The following TROAP variants were observed in gnomAD, a reference collection of about 807,000 sequenced individuals.
TROAP encodes tastin.
A neutral mutation model predicts 83.4 loss-of-function variants in TROAP; 62 were observed. That is an observed-to-expected ratio of 0.74 (90% confidence interval 0.61 to 0.92). The LOEUF is 0.92. Ranked by LOEUF, TROAP falls within the 40% of genes least tolerant of loss-of-function variation. The pLI is 0.00. For synonymous variants in TROAP, 352 were observed against 386.4 expected, an observed-to-expected ratio of 0.91 and a Z score of 1.04; for missense variants, 876 against 985.1, an observed-to-expected ratio of 0.89 and a Z score of 1.48.
chr12:49,329,507 C>G lies in TROAP; in HGVS notation c.1164+53C>G. ...AGATCCCTTGCCCTGTGCTGCCAGC[C>G]TGGAGGCCCAGGAGTTTGAGGCACA... On this transcript the variant is annotated intron_variant, in intron 11 of 14. Transcript: ENST00000257909. The surrounding 1 kb of genome is among the most constrained non-coding windows in gnomAD (Gnocchi z 4.5). 6.4e-7 allele frequency: 1 copy of G among 1,556,062 alleles called. No homozygotes were observed. The highest frequency in any genetic ancestry group is 8.7e-7 in the Non-Finnish European group (1 of 1,152,606).
chr12:49,330,737 GA>G lies in TROAP; in HGVS notation c.1893del (p.Pro633GlnfsTer7), dbSNP rs1379623720. The G allele has an allele frequency of 2.5e-6, 4 of 1,613,906 alleles. No homozygotes were observed. The African/African-American group carries it at 5.3e-5, about 22-fold the overall frequency. ...PLQPSTQGQS[G>X]PPGPCPRVEL... ...CAGCCCAGCACCCAGGGGCAGTCTG[GA>G]CCCCCAGGGCCCTGCCCTAGGGTAG... On this transcript the variant is annotated frameshift_variant, in exon 13 of 15. Transcript: ENST00000257909. LOFTEE classifies it high-confidence loss of function.
Position 49,325,711 on chromosome 12 carries a change from C to T in TROAP, c.496-36C>T, listed in dbSNP as rs1257991797. 3 of 1,612,942 alleles carry T rather than the reference C, an allele frequency of 1.9e-6. No homozygotes were observed. The South Asian group carries it at 3.3e-5, about 18-fold the overall frequency. On this transcript the variant is annotated intron_variant, in intron 4 of 14. Coordinates refer to ENST00000257909, the MANE Select transcript of TROAP (RefSeq NM_005480.4). ...GGCTAGGGGGCACTGAGGGGGGCAT[C>T]CTGAGCAGTGCTGACAGCCTCTGTT...
intron 14 of TROAP, 24 bp from the exon 15 acceptor site, chr12:49,331,549 T>C: frequency 6.2e-7 from 1 of 1,614,178 alleles, no homozygotes. Flanking sequence ...GGCTGAGCTG[T>C]GACAAGGTCT....
chr12:49,325,398 T>C (rs912637295), intron 3 of TROAP, 103 bp from the exon 4 acceptor site: 92 of 1,188,302 alleles, frequency 7.7e-5, no homozygotes, highest in Non-Finnish European at 9.6e-5. Flanking sequence ...CCAAATTCAA[T>C]TGAATGAGTC....
rs779736506 is a variant in TROAP at position 49,330,482 on chromosome 12, A to G, written c.1637A>G (p.Glu546Gly). The change falls in exon 13 of 15, where the codon GAG (glutamate) becomes GGG (glycine). Residue 546 changes from glutamate to glycine, a missense_variant. Glu to Gly is a moderately conservative substitution (Grantham distance 98). This residue lies in a region of TROAP where 689 missense variants were observed against 722.6 expected (regional missense o/e 0.95). Transcript: ENST00000257909. ...PSLQEQLEVP[E>G]PYPPAEPRPL... ...CTCCAGGAACAGCTTGAAGTACCAG[A>G]GCCCTACCCTCCAGCAGAACCCAGG... The G allele has an allele frequency of 6.2e-7, 1 of 1,613,618 alleles. No homozygotes were observed. The highest frequency in any genetic ancestry group is 8.5e-7 in the Non-Finnish European group (1 of 1,179,712).
Position 49,329,944 on chromosome 12 carries a change from G to A in TROAP, c.1252G>A (p.Gly418Arg), listed in dbSNP as rs572587315. 1 of 1,614,106 alleles carries A rather than the reference G, an allele frequency of 6.2e-7. No individual in the cohort carries two copies. The highest frequency in any genetic ancestry group is 1.1e-5 in the South Asian group (1 of 91,078). The change falls in exon 12 of 15, where the codon GGA becomes AGA. Residue 418 changes from glycine to arginine, a missense_variant. Physicochemically the swap from Gly to Arg is moderately radical, Grantham distance 125. This residue lies in a region of TROAP where 689 missense variants were observed against 722.6 expected (regional missense o/e 0.95). Transcript: ENST00000257909. The surrounding 1 kb of genome is among the most constrained non-coding windows in gnomAD (Gnocchi z 4.5). ...GAAACCACCGGTGGCCACTCCTTCT[G>A]GACCCCACTCTAACAGAACCCCCAG... ...SGKPPVATPS[G>R]PHSNRTPSLQ...
chr12:49,331,085 A>G (rs1943574643), intron 13 of TROAP, 129 bp from the exon 14 acceptor site: 1 of 1,529,658 alleles, frequency 6.5e-7, no homozygotes, highest in Non-Finnish European at 8.9e-7. Flanking sequence ...CCTCAGGAAG[A>G]GGGGAGGGGC....
Position 49,331,684 on chromosome 12 carries a change from T to A in TROAP, c.*67T>A. ...CCCTTATTTATTGTCGGTCTGCCCA[T>A]GGGACTGGGAGCCGCCCACTTTTGT... On this transcript the variant is annotated 3_prime_UTR_variant, in exon 15 of 15. Coordinates refer to ENST00000257909, the MANE Select transcript of TROAP (RefSeq NM_005480.4). 6.2e-7 allele frequency: 1 copy of A among 1,603,928 alleles called. No individual in the cohort carries two copies.
intron 7 of TROAP, 112 bp from the exon 8 acceptor site, chr12:49,327,097 T>C: frequency 7.4e-7 from 1 of 1,348,948 alleles, no homozygotes; most frequent in East Asian, 2.3e-5. Flanking sequence ...CTGTCCCTAA[T>C]AGTGCAATGG....
chr12:49,330,283 A>C lies in TROAP; in HGVS notation c.1438A>C (p.Asn480His). The C allele has an allele frequency of 6.2e-7, 1 of 1,614,116 alleles. No homozygotes were observed. ...PLLTEISRTL[N>H]ATEHNSGTSH... is the part of the protein sequence containing the mutation. The stretch of plus-strand genomic sequence containing the variant: ...GCTGACTGAGATTTCTAGAACTCTG[A>C]ATGCCACAGAGCATAACTCTGGGAC... The change falls in exon 13 of 15, where the codon AAT becomes CAT. Residue 480 changes from asparagine (N) to histidine (H), a missense_variant. This residue lies in a region of TROAP where 689 missense variants were observed against 722.6 expected (regional missense o/e 0.95). Transcript: ENST00000257909.
intron 3 of TROAP, chr12:49,324,293 G>C: frequency 7.4e-7 from 1 of 1,342,482 alleles, no homozygotes; most frequent in Non-Finnish European, 1.1e-6. Context: ...GATCACTGGA[G>C]GCCAGGAGTT....
rs776011022 is a variant in TROAP at position 49,330,441 on chromosome 12, G to A, written c.1596G>A (p.Glu532=). ...AGGCCTTCTGTAGGAGTGAGCCTGAGATACCAGAGCCCTCCCTCCAGGAAC... is the reference window on the plus strand; with the variant it reads ...AGGCCTTCTGTAGGAGTGAGCCTGAAATACCAGAGCCCTCCCTCCAGGAAC... ...PPEAFCRSEP[E]IPEPSLQEQL... The change falls in exon 13 of 15, where the codon GAG becomes GAA. Residue 532 remains glutamate, a synonymous_variant. Coordinates refer to ENST00000257909, the MANE Select transcript of TROAP (RefSeq NM_005480.4). The A allele has an allele frequency of 1.9e-6, 3 of 1,614,016 alleles. No homozygotes were observed. In the Admixed American group the frequency reaches 5.0e-5, roughly 27 times the overall value.
rs1166240240 is a variant in TROAP at position 49,331,359 on chromosome 12, G to A, written c.2244G>A (p.Arg748=). The A allele has an allele frequency of 3.7e-6, 6 of 1,614,164 alleles. No homozygotes were observed. The highest frequency in any genetic ancestry group is 5.1e-6 in the Non-Finnish European group (6 of 1,180,014). Residue 748 remains arginine (R), a synonymous_variant, in exon 14 of 15, where the codon CGG becomes CGA. Coordinates refer to ENST00000257909, the MANE Select transcript of TROAP (RefSeq NM_005480.4). The part of the protein sequence containing the change: ...TSRAPPSGPT[R]VCTNPVATLL... ...GAGCCCCTCCCTCAGGCCCCACCCGGGTCTGCACCAACCCTGTGGCTACAT... is the reference window on the plus strand; with the variant it reads ...GAGCCCCTCCCTCAGGCCCCACCCGAGTCTGCACCAACCCTGTGGCTACAT...
Position 49,327,270 on chromosome 12 carries a change from C to G in TROAP, c.831C>G (p.Ala277=). Residue 277 remains alanine, a synonymous_variant, in exon 8 of 15, where the codon GCC becomes GCG. Transcript: ENST00000257909. ...VVTHSDEGGV[A]SLGLAQRVPL... ...CTCACTCAGATGAAGGAGGTGTGGC[C>G]TCTCTTGGTCTGGCCCAGCGAGTAC... is the stretch of plus-strand genomic sequence containing the variant. 5 of 1,614,176 alleles carry G rather than the reference C, an allele frequency of 3.1e-6. No individual in the cohort carries two copies. Among genetic ancestry groups the G allele is most frequent in the Non-Finnish European group, 4.2e-6 (5 of 1,180,014 alleles).
At chr12:49,324,262 C>T (rs751009626) in intron 3 of TROAP, 9 of 1,564,498 alleles carry the variant, frequency 5.8e-6, no homozygotes, top group African/African-American at 5.4e-5. Context: ...ATCACAGCTA[C>T]TCAGGAGGCT....
intron 4 of TROAP, 39 bp from the exon 5 acceptor site, chr12:49,325,708 C>T: frequency 6.2e-7 from 1 of 1,612,522 alleles, no homozygotes; most frequent in African/African-American, 1.3e-5. Flanking sequence ...CTGAGGGGGG[C>T]ATCCTGAGCA....
At position 49,323,765 on chromosome 12, in the gene TROAP, TA is replaced by T. The variant is rs2137059652; in HGVS notation, c.144+15del. 6.2e-7 allele frequency: 1 copy of T among 1,614,048 alleles called. No individual in the cohort carries two copies. The highest frequency in any genetic ancestry group is 2.2e-5 in the East Asian group (1 of 44,876). ...CCAAGATCCAAGGGTAAGAGGGGCCTAATGGGGGAAGACAGTAGTCACACCA... is the reference window on the plus strand; with the variant it reads ...CCAAGATCCAAGGGTAAGAGGGGCCTATGGGGGAAGACAGTAGTCACACCA... On this transcript the variant is annotated intron_variant, in intron 2 of 14. Coordinates refer to ENST00000257909, the MANE Select transcript of TROAP (RefSeq NM_005480.4).
At chr12:49,325,379 A>AT in intron 3 of TROAP, 122 bp from the exon 4 acceptor site, 6 of 1,116,294 alleles carry the variant, frequency 5.4e-6, no homozygotes, top group South Asian at 1.8e-5. Context: ...AAAAAAAAAA[A>AT]AAAATAAGCC....
rs1335817262 is a variant in TROAP at position 49,331,371 on chromosome 12, CCCTGTGGCTACATTACTCGAATGG to C, written c.2258_2281del (p.Pro753_Trp760del). ...CAGGCCCCACCCGGGTCTGCACCAA[CCCTGTGGCTACATTACTCGAATGG>C]CAGGATGCCCTGGTGAGACTCCAAC... On this transcript the variant is annotated inframe_deletion, in exon 14 of 15. Transcript: ENST00000257909. The C allele has an allele frequency of 6.2e-7, 1 of 1,614,078 alleles. No homozygotes were observed. Among genetic ancestry groups the C allele is most frequent in the Middle Eastern group, 1.6e-4 (1 of 6,062 alleles).
Sources: gnomAD v4.1 joint callset for allele counts on GRCh38, gnomAD v4.1.1 for gene constraint, gnomAD v4.1.1 regional missense constraint, Gnocchi (gnomAD v3.1) non-coding constraint, MANE v1.5 for transcripts, NCBI Gene and HGNC (gene_info 2026-07-23, HGNC 2026-07-21) for gene names.